Variants in LRMDA observed in about 807,000 individuals in gnomAD.
LRMDA encodes the protein leucine-rich melanocyte differentiation-associated protein.
LRMDA carries 18 observed loss-of-function variants against 29.8 expected under a neutral mutation model. The ratio of observed to expected loss-of-function variants is 0.60; its 90% confidence interval spans 0.42 to 0.90. The LOEUF is 0.90. LRMDA is among the 40% of genes least tolerant of loss of function. The pLI is 0.00. For synonymous variants in LRMDA, 125 were observed against 109.4 expected, an observed-to-expected ratio of 1.14 and a Z score of -0.89; for missense variants, 273 against 273.9, an observed-to-expected ratio of 1.00 and a Z score of 0.02.
chr10:75,687,869 G>A (rs986148067), intron 2 of LRMDA, among the ~76,000 whole-genome samples: 7 of 152,130 alleles, frequency 4.6e-5, no homozygotes, highest in African/African-American at 1.2e-4. Flanking sequence ...CCTTAAGAAC[G>A]ATGCTAAATA....
chr10:75,554,559 G>T (rs1300819766), intron 2 of LRMDA, among the ~76,000 whole-genome samples: 1 of 152,088 alleles, frequency 6.6e-6, no homozygotes, highest in African/African-American at 2.4e-5. Flanking sequence ...ACTACTCTTA[G>T]GAGCTCCCAA....
Position 75,763,680 on chromosome 10 carries a change from C to T in LRMDA, c.132-272328C>T, listed in dbSNP as rs371074062. On this transcript the variant is annotated intron_variant, in intron 2 of 6. Transcript: ENST00000611255. ...TATTTCTCCCTGCAATGAGTTCTAGCTATTTCAAATCAGGACAATTTTTTT... is the reference window on the plus strand; with the variant it reads ...TATTTCTCCCTGCAATGAGTTCTAGTTATTTCAAATCAGGACAATTTTTTT... 1.2e-4 allele frequency among the ~76,000 whole-genome samples: 18 copies of T among 150,546 alleles called. No individual in the cohort carries two copies. In the East Asian group the frequency reaches 2.0e-3, roughly 16 times the overall value.
At position 75,941,191 on chromosome 10, in the gene LRMDA, G is replaced by A. The variant is rs186130504; in HGVS notation, c.132-94817G>A. Reference sequence around the variant, plus strand: ...CCCTTCACGCTGTATTGGAAATGCCGCCGCCTCCAGCCCACCCTATACTCC... The same window carrying A: ...CCCTTCACGCTGTATTGGAAATGCCACCGCCTCCAGCCCACCCTATACTCC... On this transcript the variant is annotated intron_variant, in intron 2 of 6. Transcript: ENST00000611255. 1.8e-4 allele frequency among the ~76,000 whole-genome samples: 28 copies of A among 152,220 alleles called. 2 individuals are homozygous for A. The highest frequency in any genetic ancestry group is 5.3e-4 in the African/African-American group (22 of 41,546).
intron 2 of LRMDA, among the ~76,000 whole-genome samples, chr10:75,792,044 A>C (rs989673636): frequency 2.0e-5 from 3 of 151,352 alleles, no homozygotes; most frequent in Non-Finnish European, 4.4e-5. Context: ...TATTTTTAGT[A>C]GAGATGGGGT....
chr10:75,434,039 A>T (rs1453069687), intron 1 of LRMDA, among the ~76,000 whole-genome samples: 1 of 152,166 alleles, frequency 6.6e-6, no homozygotes, highest in African/African-American at 2.4e-5. Context: ...TTCATTTGCC[A>T]TGGGTCTGAC....
At chr10:75,990,562 A>G (rs993180665) in intron 2 of LRMDA, among the ~76,000 whole-genome samples, 4 of 152,224 alleles carry the variant, frequency 2.6e-5, no homozygotes, top group African/African-American at 9.6e-5. Flanking sequence ...CCCCTTTATA[A>G]TGAAACGGGC....
chr10:76,074,285 C>T (rs1450727865), intron 5 of LRMDA, among the ~76,000 whole-genome samples: 1 of 152,166 alleles, frequency 6.6e-6, no homozygotes, highest in Non-Finnish European at 1.5e-5. Context: ...TCCCAAGTAG[C>T]ACTAAACCTA....
At chr10:75,761,902 G>T (rs1182675683) in intron 2 of LRMDA, among the ~76,000 whole-genome samples, 1 of 150,048 alleles carries the variant, frequency 6.7e-6, no homozygotes, top group Non-Finnish European at 1.5e-5. Context: ...CCAGGCTCAA[G>T]TGATCCCCCC....
intron 3 of LRMDA, among the ~76,000 whole-genome samples, chr10:76,037,279 G>T (rs981060591): frequency 6.6e-6 from 1 of 152,116 alleles, no homozygotes; most frequent in Non-Finnish European, 1.5e-5. Flanking sequence ...TTGTTTTATT[G>T]GATGGAACAT....
intron 2 of LRMDA, among the ~76,000 whole-genome samples, chr10:75,779,912 G>A (rs1018073473): frequency 7.2e-5 from 11 of 152,162 alleles, no homozygotes; most frequent in Non-Finnish European, 1.5e-4. Flanking sequence ...AGTTACTTAA[G>A]GATCTCGAGA....
chr10:75,736,443 G>A (rs1198822367), intron 2 of LRMDA, among the ~76,000 whole-genome samples: 4 of 152,172 alleles, frequency 2.6e-5, no homozygotes, highest in Admixed American at 2.0e-4. Context: ...AGCGGGAGAC[G>A]GAGGATTTAC....
intron 2 of LRMDA, among the ~76,000 whole-genome samples, chr10:75,745,868 A>G (rs1842884294): frequency 6.6e-6 from 1 of 152,202 alleles, no homozygotes; most frequent in Non-Finnish European, 1.5e-5. Flanking sequence ...GGTATTTTGT[A>G]GAATGTGCCT....
intron 5 of LRMDA, among the ~76,000 whole-genome samples, chr10:76,307,091 A>G (rs1395503409): frequency 6.6e-6 from 1 of 152,042 alleles, no homozygotes; most frequent in African/African-American, 2.4e-5. Flanking sequence ...TTCTTTTTCC[A>G]TGTCATACTG....
intron 3 of LRMDA, among the ~76,000 whole-genome samples, chr10:76,045,384 C>T (rs1848419948): frequency 6.8e-6 from 1 of 147,380 alleles, no homozygotes; most frequent in Non-Finnish European, 1.5e-5. Context: ...GTTTCCTTCT[C>T]TTGCTAGTTT....
At chr10:75,438,548 G>C (rs1198530484) in intron 2 of LRMDA, 54 bp downstream of exon 2, 18 of 1,360,224 alleles carry the variant, frequency 1.3e-5, no homozygotes, top group Non-Finnish European at 1.8e-5. Flanking sequence ...GTCCTCCTGG[G>C]TACTTTAGGG....
chr10:76,110,596 T>C (rs373680422), intron 5 of LRMDA, among the ~76,000 whole-genome samples: 1 of 152,106 alleles, frequency 6.6e-6, no homozygotes, highest in Non-Finnish European at 1.5e-5. Flanking sequence ...GGGGAGGTAA[T>C]TGAATGATGG....
chr10:76,255,488 C>T (rs1852576568), intron 5 of LRMDA, among the ~76,000 whole-genome samples: 1 of 152,212 alleles, frequency 6.6e-6, no homozygotes, highest in Admixed American at 6.5e-5. Flanking sequence ...GCCTGAAATA[C>T]ACTGACATTC....
intron 5 of LRMDA, among the ~76,000 whole-genome samples, chr10:76,183,442 T>A (rs1589367002): frequency 6.6e-6 from 1 of 152,340 alleles, no homozygotes; most frequent in Non-Finnish European, 1.5e-5. Flanking sequence ...CTTTGCCCCA[T>A]CTTTTGAGAG....
intron 5 of LRMDA, among the ~76,000 whole-genome samples, chr10:76,150,307 C>T (rs1850415474): frequency 6.6e-6 from 1 of 152,190 alleles, no homozygotes; most frequent in African/African-American, 2.4e-5. Context: ...GTGGGTGCCT[C>T]ATCTGCTTTG....
Sources: gnomAD v4.1 joint callset for allele counts (sites outside exome capture counted in the v4.1 genomes callset) on GRCh38, gnomAD v4.1.1 for gene constraint, MANE v1.5 for transcripts, NCBI Gene and HGNC (gene_info 2026-07-23, HGNC 2026-07-21) for gene names.